Variants in IDI2 observed in about 807,000 individuals in gnomAD.
IDI2 encodes isopentenyl-diphosphate delta isomerase 2.
IDI2 carries 18 observed loss-of-function variants against 14.8 expected under a neutral mutation model. The observed-to-expected ratio is 1.22, with a 90% CI of 0.84 to 1.80. IDI2 has a LOEUF of 1.80. Among genes scored for constraint, IDI2 ranks in the 40% most tolerant of loss-of-function variants. The probability of loss-of-function intolerance (pLI) is 0.00; values close to 1 mark genes in which losing one functional copy is unlikely to be tolerated. For missense variants in IDI2, 316 were observed against 283.2 expected (o/e 1.12, Z -0.83); for synonymous variants, 133 against 109.6 (o/e 1.21, Z -1.33).
intron 2 of IDI2, among the ~76,000 whole-genome samples, chr10:1,023,228 C>T (rs969476078): frequency 2.6e-5 from 4 of 152,132 alleles, no homozygotes; most frequent in African/African-American, 9.7e-5. Context: ...GTAATCTCAG[C>T]ACTTTGGGAG....
In IDI2 at chr10:1,020,775, C is replaced by T; in HGVS notation, c.358G>A (p.Gly120Arg). 1.9e-6 allele frequency: 3 copies of T among 1,611,680 alleles called. No individual in the cohort carries two copies. The highest frequency in any genetic ancestry group is 2.5e-6 in the Non-Finnish European group (3 of 1,179,256). The change falls in exon 4 of 5, where the codon GGG becomes AGG. Residue 120 changes from glycine (G) to arginine (R), a missense_variant. Transcript: ENST00000277517. ...CTGGATGCTGTGTGTACCTGCTCCCCAGGAATTCCCAGCTCTGCTTGCAGA... is the reference window on the plus strand; with the variant it reads ...CTGGATGCTGTGTGTACCTGCTCCCTAGGAATTCCCAGCTCTGCTTGCAGA... ...RRLQAELGIP[G>R]EQISPEDIVF...
At chr10:1,024,103 G>A (rs1170734295) in intron 2 of IDI2, among the ~76,000 whole-genome samples, 2 of 152,214 alleles carry the variant, frequency 1.3e-5, no homozygotes, top group Admixed American at 6.5e-5. Flanking sequence ...CCTCCATGGA[G>A]AACCAGCCTA....
At chr10:1,024,953 A>G (rs1357322084) in intron 1 of IDI2, among the ~76,000 whole-genome samples, 2 of 151,070 alleles carry the variant, frequency 1.3e-5, no homozygotes, top group Admixed American at 6.6e-5. Flanking sequence ...GGGTACATAC[A>G]TACTCCTCAT....
rs1832115741 is a variant in IDI2 at position 1,022,095 on chromosome 10, T to A, written c.235+588A>T. Among the ~76,000 whole-genome samples the A allele has an allele frequency of 3.9e-5, 6 of 152,150 alleles. No homozygotes were observed. The South Asian group carries it at 1.0e-3, about 26-fold the overall frequency. On this transcript the variant is annotated intron_variant, in intron 3 of 4. Transcript: ENST00000277517. ...TAACACGGTGAAACCCCGTCTCTACTAAAAATACAAAACGTTACCCGGGTG... is the reference window on the plus strand; with the variant it reads ...TAACACGGTGAAACCCCGTCTCTACAAAAAATACAAAACGTTACCCGGGTG...
chr10:1,019,823 C>T lies in IDI2; in HGVS notation c.378G>A (p.Glu126=), dbSNP rs773314383. The T allele has an allele frequency of 1.1e-5, 17 of 1,612,132 alleles. No individual in the cohort carries two copies. Among genetic ancestry groups the T allele is most frequent in the Non-Finnish European group, 1.4e-5 (16 of 1,178,370 alleles). The stretch of plus-strand genomic sequence containing the variant: ...GATAGATTGTCATGAACACAATGTC[C>T]TCTGGAGAAATCTATTGACAGAAAT... The part of the protein sequence containing the change: ...LGIPGEQISP[E]DIVFMTIYHH... Residue 126 remains glutamate, a synonymous_variant, in exon 5 of 5, where the codon GAG becomes GAA. Transcript: ENST00000277517.
chr10:1,023,685 T>A (rs1832160013), intron 2 of IDI2, among the ~76,000 whole-genome samples: 1 of 152,034 alleles, frequency 6.6e-6, no homozygotes, highest in Non-Finnish European at 1.5e-5. Context: ...TGGGGAGGGA[T>A]GACGAGAGGG....
rs147819159 is a variant in IDI2, at chr10:1,020,117, G to T, written c.367-283C>A. On this transcript the variant is annotated intron_variant, in intron 4 of 4. Transcript: ENST00000277517. Reference sequence around the variant, plus strand: ...TCAACAGAAAACCCCGTAGAAACCGGCTAGCGTTGTCAGGAGAACATCCAT... The same window carrying T: ...TCAACAGAAAACCCCGTAGAAACCGTCTAGCGTTGTCAGGAGAACATCCAT... 5.1e-3 allele frequency among the ~76,000 whole-genome samples: 783 copies of T among 152,298 alleles called. 8 individuals are homozygous for T. The highest frequency in any genetic ancestry group is 0.018 in the African/African-American group (728 of 41,550).
Position 1,019,726 on chromosome 10 carries a change from C to T in IDI2, c.475G>A (p.Val159Ile), listed in dbSNP as rs775861577. The T allele has an allele frequency of 9.3e-6, 15 of 1,613,826 alleles. No individual in the cohort carries two copies. Among genetic ancestry groups the T allele is most frequent in the African/African-American group, 5.3e-5 (4 of 74,852 alleles). The change falls in exon 5 of 5, where the codon GTC (valine) becomes ATC (isoleucine). Residue 159 changes from valine (V) to isoleucine (I), a missense_variant. Physicochemically the swap from Val to Ile is conservative, Grantham distance 29. Transcript: ENST00000277517. ...TCACTGGGATCCGGGTTCAGAGTGACGTTTTTCCTCACAAGCAGAAGGTAA... is the reference window on the plus strand; with the variant it reads ...TCACTGGGATCCGGGTTCAGAGTGATGTTTTTCCTCACAAGCAGAAGGTAA... ...ICYLLLVRKN[V>I]TLNPDPSETK...
At chr10:1,021,143 C>T (rs188762886) in intron 3 of IDI2, among the ~76,000 whole-genome samples, 1 of 152,208 alleles carries the variant, frequency 6.6e-6, no homozygotes, top group African/African-American at 2.4e-5. Flanking sequence ...GCGGCCCTTC[C>T]TGCAGATGTG....
chr10:1,025,022 A>G (rs1320877893), intron 1 of IDI2, among the ~76,000 whole-genome samples: 1 of 28,350 alleles, frequency 3.5e-5, no homozygotes, highest in Non-Finnish European at 7.9e-5. Context: ...ACACACACAC[A>G]CACACACACA....
chr10:1,022,796 T>C lies in IDI2; in HGVS notation c.143-21A>G, dbSNP rs760995674. 3.9e-6 allele frequency: 6 copies of C among 1,553,232 alleles called. No homozygotes were observed. The South Asian group carries it at 4.4e-5, about 12-fold the overall frequency. ...CAGCCCTGCAAAGGTAAGTGCCATTTGTGTGAGTGCATGCCTGGAGTCTGT... is the reference window on the plus strand; with the variant it reads ...CAGCCCTGCAAAGGTAAGTGCCATTCGTGTGAGTGCATGCCTGGAGTCTGT... On this transcript the variant is annotated intron_variant, in intron 2 of 4. Transcript: ENST00000277517.
At chr10:1,022,462 A>G (rs1452322579) in intron 3 of IDI2, among the ~76,000 whole-genome samples, 1 of 152,186 alleles carries the variant, frequency 6.6e-6, no homozygotes, top group East Asian at 1.9e-4. Context: ...AAAAAAACCC[A>G]GAAACTCATA....
chr10:1,023,390 G>A (rs1216691047), intron 2 of IDI2, among the ~76,000 whole-genome samples: 2 of 151,712 alleles, frequency 1.3e-5, no homozygotes, highest in Non-Finnish European at 2.9e-5. Context: ...GCAGGAGAAT[G>A]GCATGAACCC....
At chr10:1,025,159 C>A (rs1184906243) in intron 1 of IDI2, among the ~76,000 whole-genome samples, 1 of 152,172 alleles carries the variant, frequency 6.6e-6, no homozygotes, top group Non-Finnish European at 1.5e-5. Context: ...GAGAAACACA[C>A]AGCCTTGTAG....
chr10:1,020,952 T>A, intron 3 of IDI2, 55 bp from the exon 4 acceptor site: 2 of 1,557,466 alleles, frequency 1.3e-6, no homozygotes, highest in Non-Finnish European at 1.8e-6. Flanking sequence ...GTGAATATAT[T>A]AAATACAAAT....
chr10:1,021,014 C>T (rs535009149), intron 3 of IDI2, 117 bp from the exon 4 acceptor site: 19 of 1,172,690 alleles, frequency 1.6e-5, no homozygotes, highest in African/African-American at 9.2e-5. Context: ...GACAGCCTGG[C>T]GGGGGGAGTG....
At chr10:1,019,897 A>G (rs1832061659) in intron 4 of IDI2, 63 bp from the exon 5 acceptor site, 12 of 1,176,144 alleles carry the variant, frequency 1.0e-5, no homozygotes, top group Non-Finnish European at 1.0e-5. Flanking sequence ...TTACAGAAAA[A>G]TAGAGAAAAT....
chr10:1,023,082 C>T (rs546413426), intron 2 of IDI2, among the ~76,000 whole-genome samples: 38 of 152,312 alleles, frequency 2.5e-4, no homozygotes, highest in Admixed American at 1.6e-3. Context: ...GCACCATTTA[C>T]GACAGCCAAG....
chr10:1,025,103 G>T (rs1354639942), intron 1 of IDI2, among the ~76,000 whole-genome samples: 2 of 151,338 alleles, frequency 1.3e-5, no homozygotes, highest in Admixed American at 6.6e-5. Flanking sequence ...AGTTTTTGGG[G>T]AAAAGTGCAG....
Sources: gnomAD v4.1 joint callset for allele counts (sites outside exome capture counted in the v4.1 genomes callset) on GRCh38, gnomAD v4.1.1 for gene constraint, MANE v1.5 for transcripts, NCBI Gene and HGNC (gene_info 2026-07-23, HGNC 2026-07-21) for gene names.